Variants in NECAB1 observed in about 807,000 individuals in gnomAD.
The protein encoded by NECAB1 is N-terminal EF-hand calcium binding protein 1, also known as N-terminal EF-hand calcium-binding protein 1.
In NECAB1, 29 loss-of-function variants were observed where a neutral mutation model predicts 57.5. The observed-to-expected ratio is 0.50, with a 90% CI of 0.38 to 0.69. The LOEUF is 0.69. NECAB1 is among the 30% of genes least tolerant of loss of function. The probability of loss-of-function intolerance (pLI) is 0.00; values close to 1 mark genes in which losing one functional copy is unlikely to be tolerated. For missense variants in NECAB1, 372 were observed against 413.8 expected (o/e 0.90, Z 0.88); for synonymous variants, 142 against 147.7 (o/e 0.96, Z 0.28).
chr8:90,847,531 G>T (rs1209933496), intron 3 of NECAB1, among the ~76,000 whole-genome samples: 2 of 152,250 alleles, frequency 1.3e-5, no homozygotes, highest in Non-Finnish European at 2.9e-5. Flanking sequence ...TGGGGACTTT[G>T]TGTGGGGGCT....
intron 4 of NECAB1, among the ~76,000 whole-genome samples, chr8:90,879,170 A>T (rs1283984485): frequency 6.9e-6 from 1 of 145,146 alleles, no homozygotes; most frequent in Non-Finnish European, 1.5e-5. Flanking sequence ...CTTTTTTAGC[A>T]ACAATTTTTT....
chr8:90,860,236 T>TC (rs1429793325), intron 3 of NECAB1, among the ~76,000 whole-genome samples: 1 of 117,528 alleles, frequency 8.5e-6, no homozygotes, highest in Admixed American at 9.1e-5. Flanking sequence ...TTTCTTTTTT[T>TC]TCTTTTTTTT....
intron 3 of NECAB1, among the ~76,000 whole-genome samples, chr8:90,842,523 G>A (rs987355346): frequency 6.6e-6 from 1 of 152,158 alleles, no homozygotes; most frequent in Non-Finnish European, 1.5e-5. Context: ...TGGGCTTATT[G>A]GTTGCTGTGA....
intron 9 of NECAB1, among the ~76,000 whole-genome samples, chr8:90,940,021 TGAAAA>T (rs1457855989): frequency 1.3e-5 from 2 of 152,368 alleles, no homozygotes; most frequent in Non-Finnish European, 2.9e-5. Flanking sequence ...TACCAATTCT[TGAAAA>T]GAACTAATGT....
At chr8:90,896,946 G>A (rs1809364163) in intron 5 of NECAB1, among the ~76,000 whole-genome samples, 1 of 152,146 alleles carries the variant, frequency 6.6e-6, no homozygotes, top group African/African-American at 2.4e-5. Context: ...CTAGCCAATA[G>A]GGGAACGACA....
At chr8:90,817,314 C>T (rs1187596288) in intron 2 of NECAB1, among the ~76,000 whole-genome samples, 1 of 151,456 alleles carries the variant, frequency 6.6e-6, no homozygotes, top group Admixed American at 6.6e-5. Flanking sequence ...TTTATTTCTG[C>T]TTCTTGTCTT....
At chr8:90,821,217 T>C (rs1276011346) in intron 2 of NECAB1, among the ~76,000 whole-genome samples, 1 of 151,810 alleles carries the variant, frequency 6.6e-6, no homozygotes, top group Non-Finnish European at 1.5e-5. Flanking sequence ...TCTCAACATA[T>C]CCAGAAGAAC....
chr8:90,935,058 G>T (rs1264430631), intron 9 of NECAB1, among the ~76,000 whole-genome samples: 1 of 152,006 alleles, frequency 6.6e-6, no homozygotes, highest in Non-Finnish European at 1.5e-5. Flanking sequence ...GTGAAAATTT[G>T]GATTTTAAAA....
chr8:90,878,921 A>C (rs963217841), intron 4 of NECAB1, among the ~76,000 whole-genome samples: 120 of 146,958 alleles, frequency 8.2e-4, no homozygotes, highest in African/African-American at 2.4e-3. Context: ...CTCTCTCTAT[A>C]TATATATATA....
chr8:90,898,505 A>G (rs1809418584), intron 5 of NECAB1, among the ~76,000 whole-genome samples: 1 of 152,194 alleles, frequency 6.6e-6, no homozygotes, highest in Non-Finnish European at 1.5e-5. Context: ...CAGAAGGCCT[A>G]AAACTTCAAC....
At chr8:90,879,835 T>C (rs1054875188) in intron 4 of NECAB1, among the ~76,000 whole-genome samples, 9 of 152,238 alleles carry the variant, frequency 5.9e-5, no homozygotes, top group Non-Finnish European at 1.0e-4. Flanking sequence ...AATCACTTTC[T>C]AAAGAATCTT....
At chr8:90,943,941 G>A (rs74755798) in intron 10 of NECAB1, among the ~76,000 whole-genome samples, 10,181 of 152,018 alleles carry the variant, frequency 0.067, 837 homozygotes, top group African/African-American at 0.19. Flanking sequence ...TTTTACAGAC[G>A]GGGTTATGCC....
intron 5 of NECAB1, among the ~76,000 whole-genome samples, chr8:90,893,626 T>A (rs1809245635): frequency 6.6e-6 from 1 of 152,130 alleles, no homozygotes; most frequent in African/African-American, 2.4e-5. Context: ...TTGGAAGGAT[T>A]GCTTGTCCAG....
intron 10 of NECAB1, among the ~76,000 whole-genome samples, chr8:90,945,149 C>A (rs1477182317): frequency 6.6e-6 from 1 of 152,134 alleles, no homozygotes; most frequent in African/African-American, 2.4e-5. Context: ...CTCACTGCAA[C>A]CTCCACCTCC....
chr8:90,954,971 TTA>T (rs1417507875), intron 12 of NECAB1, among the ~76,000 whole-genome samples: 5 of 143,424 alleles, frequency 3.5e-5, no homozygotes, highest in African/African-American at 5.0e-5. Context: ...TATGTATATA[TTA>T]TGTGTGTACA....
intron 2 of NECAB1, chr8:90,806,810 C>A (rs925426381): frequency 6.6e-6 from 1 of 152,206 alleles, no homozygotes; most frequent in Non-Finnish European, 1.5e-5. Context: ...AAACACTTAT[C>A]CTGATCTCAC....
chr8:90,793,171 A>C (rs1195353740), intron 1 of NECAB1, among the ~76,000 whole-genome samples: 1 of 152,202 alleles, frequency 6.6e-6, no homozygotes, highest in Non-Finnish European at 1.5e-5. Flanking sequence ...GGCAGAGATA[A>C]AGAGGATAGG....
Position 90,917,540 on chromosome 8 carries a change from T to C in NECAB1, c.406T>C (p.Leu136=), listed in dbSNP as rs758219887. Reference sequence around the variant, plus strand: ...GGAACAATTCGTAACTAGATTTTTATTGAAGGAAACCCTGAATCAGCTGCA... The same window carrying C: ...GGAACAATTCGTAACTAGATTTTTACTGAAGGAAACCCTGAATCAGCTGCA... The part of the protein sequence containing the change: ...NLEQFVTRFL[L]KETLNQLQSL... Residue 136 remains leucine, a synonymous_variant, in exon 6 of 13, where the codon TTG becomes CTG. Coordinates refer to ENST00000417640, the MANE Select transcript of NECAB1 (RefSeq NM_022351.5). 2.5e-6 allele frequency: 4 copies of C among 1,612,052 alleles called. No individual in the cohort carries two copies. The highest frequency in any genetic ancestry group is 2.5e-6 in the Non-Finnish European group (3 of 1,178,834).
chr8:90,792,979 G>T (rs1811600677), intron 1 of NECAB1, among the ~76,000 whole-genome samples: 1 of 152,108 alleles, frequency 6.6e-6, no homozygotes, highest in Non-Finnish European at 1.5e-5. Context: ...TCTGCTTCTT[G>T]TTTAGGCATG....
Sources: allele counts gnomAD v4.1 joint callset (sites outside exome capture counted in the v4.1 genomes callset), GRCh38; gene constraint gnomAD v4.1.1; transcripts MANE v1.5; gene names NCBI Gene and HGNC (gene_info 2026-07-23, HGNC 2026-07-21).